WNK3: variants seen among roughly 807,000 people sequenced by gnomAD.
The protein encoded by WNK3 is serine/threonine-protein kinase WNK3.
In WNK3, 18 loss-of-function variants were observed where a neutral mutation model predicts 116.7. The ratio of observed to expected loss-of-function variants is 0.15; its 90% CI spans 0.11 to 0.23. The LOEUF (loss-of-function observed/expected upper bound fraction) is 0.23. Ranked by LOEUF, WNK3 falls within the 10% of genes least tolerant of loss-of-function variation. WNK3 has a pLI of 1.00. For missense variants in WNK3, 993 were observed against 1,323.8 expected, an observed-to-expected ratio of 0.75 and a Z score of 3.88; for synonymous variants, 404 against 469.4, an observed-to-expected ratio of 0.86 and a Z score of 1.80.
intron 2 of WNK3, among the ~76,000 whole-genome samples, 190 bp from the exon 3 acceptor site, chrX:54,311,481 C>T (rs1314472133): frequency 8.0e-5 from 9 of 112,018 alleles, no homozygotes; most frequent in African/African-American, 2.9e-4. Flanking sequence ...ACTCCTCCAA[C>T]ATGGCAATGC....
At chrX:54,244,775 C>T (rs1157711177) in intron 17 of WNK3, among the ~76,000 whole-genome samples, 2 of 111,338 alleles carry the variant, frequency 1.8e-5, no homozygotes, top group African/African-American at 6.5e-5. Context: ...TGCTCCTTTT[C>T]TCTTGCAACA....
rs115099886 is a variant in WNK3 at position 54,316,842 on chromosome X, G to A, written c.538-5551C>T. Among the ~76,000 whole-genome samples, 849 of 111,275 alleles carry A rather than the reference G, an allele frequency of 7.6e-3. 9 individuals carry two copies. Among genetic ancestry groups the A allele is most frequent in the African/African-American group, 0.026 (807 of 30,680 alleles). On this transcript the variant is annotated intron_variant, in intron 2 of 23. Coordinates refer to ENST00000354646, the Ensembl canonical transcript of WNK3. ...ATGGAGAAACCTTGTACATTGCTGG[G>A]GAATGTAAAATGGTATATTCGTTGT...
At chrX:54,246,652 T>C (rs1201200775) in intron 17 of WNK3, among the ~76,000 whole-genome samples, 1 of 112,040 alleles carries the variant, frequency 8.9e-6, no homozygotes, top group African/African-American at 3.2e-5. Flanking sequence ...TCTAAGATAG[T>C]TCCCTAAGAG....
intron 1 of WNK3, among the ~76,000 whole-genome samples, chrX:54,344,047 TAAAA>T (rs782099247): frequency 9.0e-6 from 1 of 111,478 alleles, no homozygotes; most frequent in Non-Finnish European, 1.9e-5. Flanking sequence ...TGCAACTTAA[TAAAA>T]AAAACTTTGG....
intron 5 of WNK3, among the ~76,000 whole-genome samples, chrX:54,307,712 T>G (rs2068842112): frequency 9.0e-6 from 1 of 111,378 alleles, no homozygotes; most frequent in South Asian, 3.7e-4. Flanking sequence ...ACCTGTACAT[T>G]TTCCCAAAGA....
chrX:54,226,768 A>T (rs1569535974), intron 22 of WNK3, among the ~76,000 whole-genome samples: 2 of 110,528 alleles, frequency 1.8e-5, no homozygotes, highest in Non-Finnish European at 3.8e-5. Flanking sequence ...TGAACCTGGG[A>T]GGCGGACGTT....
intron 17 of WNK3, among the ~76,000 whole-genome samples, chrX:54,240,328 AAC>A (rs1361609504): frequency 2.7e-5 from 3 of 110,967 alleles, no homozygotes; most frequent in Non-Finnish European, 5.7e-5. Flanking sequence ...CAAAAAAACA[AAC>A]ACAAACTTAT....
intron 5 of WNK3, 41 bp from the exon 6 acceptor site, chrX:54,301,900 G>T: frequency 1.0e-6 from 1 of 956,453 alleles, no homozygotes; most frequent in Non-Finnish European, 1.5e-6. Flanking sequence ...TGATGCAATT[G>T]AAAGCCCAAG....
rs10608187 is a variant in WNK3, at chrX:54,209,424, AAAATAAAT to A, written c.4871-7239_4871-7232del. 8.2e-3 allele frequency among the ~76,000 whole-genome samples: 764 copies of A among 92,929 alleles called. 7 individuals are homozygous for A. The highest frequency in any genetic ancestry group is 0.026 in the Middle Eastern group (5 of 190). 80.7% of individuals were successfully genotyped at this position (92,929 alleles called of 115,157 possible). On this transcript the variant is annotated intron_variant, in intron 22 of 23. Transcript: ENST00000354646. ...GGTGACAGAGTGAGACTCTGTCTAA[AAAATAAAT>A]AAATAAATAAATAAATAAATAAATA...
chrX:54,320,257 G>A (rs1345714129), intron 2 of WNK3, among the ~76,000 whole-genome samples: 2 of 111,358 alleles, frequency 1.8e-5, no homozygotes, highest in Non-Finnish European at 3.8e-5. Context: ...TGACCAACCT[G>A]TATATATATT....
chrX:54,247,998 C>G (rs2068089513), intron 17 of WNK3, among the ~76,000 whole-genome samples: 2 of 110,974 alleles, frequency 1.8e-5, no homozygotes, highest in Admixed American at 1.9e-4. Context: ...AATCCCAGCA[C>G]TTTGGAGGCC....
At chrX:54,342,710 T>A (rs782656245) in intron 1 of WNK3, among the ~76,000 whole-genome samples, 1 of 110,590 alleles carries the variant, frequency 9.0e-6, no homozygotes, top group Non-Finnish European at 1.9e-5. Context: ...GGGTTAAGAA[T>A]CCCAGGAGAA....
chrX:54,270,768 T>C (rs2068373991), intron 10 of WNK3, among the ~76,000 whole-genome samples: 1 of 110,394 alleles, frequency 9.1e-6, no homozygotes, highest in Admixed American at 9.8e-5. Context: ...GTGTGTGATG[T>C]TCCCCTCCCT....
intron 1 of WNK3, among the ~76,000 whole-genome samples, chrX:54,342,984 G>A (rs1278556738): frequency 9.0e-6 from 1 of 110,936 alleles, no homozygotes; most frequent in Non-Finnish European, 1.9e-5. Flanking sequence ...GAGTAGCTGG[G>A]ACTACAGGCG....
At chrX:54,217,034 T>A (rs372452174) in intron 22 of WNK3, among the ~76,000 whole-genome samples, 1 of 110,993 alleles carries the variant, frequency 9.0e-6, no homozygotes, top group South Asian at 3.8e-4. Flanking sequence ...AAATTAGCCA[T>A]GTGGGCCGGG....
chrX:54,213,129 C>T (rs782245449), intron 22 of WNK3, among the ~76,000 whole-genome samples: 74 of 110,232 alleles, frequency 6.7e-4, no homozygotes, highest in Non-Finnish European at 1.2e-3. Flanking sequence ...TACAGGTGTG[C>T]GCTACCATGA....
intron 3 of WNK3, among the ~76,000 whole-genome samples, 156 bp from the exon 4 acceptor site, chrX:54,309,471 T>G (rs2068861591): frequency 8.9e-6 from 1 of 112,258 alleles, no homozygotes; most frequent in Non-Finnish European, 1.9e-5. Context: ...AAAAATTTAA[T>G]CTAATACTTC....
intron 12 of WNK3, among the ~76,000 whole-genome samples, chrX:54,254,380 A>T (rs2068168287): frequency 8.9e-6 from 1 of 112,484 alleles, no homozygotes. Flanking sequence ...AAAGATTTAA[A>T]TTTAATAATT....
intron 17 of WNK3, among the ~76,000 whole-genome samples, chrX:54,241,918 C>T (rs1428767549): frequency 1.9e-5 from 2 of 105,915 alleles, no homozygotes; most frequent in Admixed American, 1.0e-4. Flanking sequence ...CATCCCATTG[C>T]ACTCCAACCT....
Sources: allele counts gnomAD v4.1 joint callset (sites outside exome capture counted in the v4.1 genomes callset), GRCh38; gene constraint gnomAD v4.1.1; transcripts MANE v1.5; gene names NCBI Gene and HGNC (gene_info 2026-07-23, HGNC 2026-07-21).